The following COCH variants were observed in gnomAD, a reference collection of about 807,000 sequenced individuals.
COCH encodes the protein coagulation factor C homolog, cochlin (Limulus polyphemus).
Under a neutral mutation model 54.8 loss-of-function variants are expected in COCH, and 40 were observed. That is an observed-to-expected ratio of 0.73 (90% CI 0.57 to 0.95). The LOEUF (loss-of-function observed/expected upper bound fraction) is 0.95, where lower values mean the gene tolerates loss of function less well. COCH is among the 40% of genes least tolerant of loss of function. COCH has a pLI of 0.00. For missense variants in COCH, 605 were observed against 675.0 expected (o/e 0.90, Z 1.15); for synonymous variants, 256 against 237.9 (o/e 1.08, Z -0.70).
At chr14:30,884,928 ATC>A in intron 9 of COCH, 1 of 1,597,562 alleles carries the variant, frequency 6.3e-7, no homozygotes, top group Non-Finnish European at 8.5e-7. Flanking sequence ...TTGGAGAAGT[ATC>A]TCTTTGTAAT....
Position 30,889,874 on chromosome 14 carries a change from G to A in COCH, c.*83G>A, listed in dbSNP as rs1594391693. The A allele has an allele frequency of 1.3e-6, 2 of 1,517,344 alleles. No homozygotes were observed. The highest frequency in any genetic ancestry group is 2.3e-5 in the East Asian group (1 of 42,880). The allele number at this position is 1,517,344 out of a possible 1,614,324, so 94.0% of individuals were successfully genotyped here. A position where few individuals can be genotyped will look rare whatever the true frequency, so the allele number is the denominator to read the frequency against. On this transcript the variant is annotated 3_prime_UTR_variant, in exon 12 of 12. Coordinates refer to ENST00000396618, the MANE Select transcript of COCH (RefSeq NM_004086.3). ...ATTCTCATAATACTGAAATGCTTTAGCATACTAGAATCAGATACAAAACTA... is the reference window on the plus strand; with the variant it reads ...ATTCTCATAATACTGAAATGCTTTAACATACTAGAATCAGATACAAAACTA...
intron 5 of COCH, 94 bp downstream of exon 5, chr14:30,879,038 A>G (rs974436607): frequency 2.0e-6 from 3 of 1,526,988 alleles, no homozygotes; most frequent in African/African-American, 1.4e-5. Context: ...CTTGATGGAA[A>G]AACCTGTGAT....
chr14:30,891,481 T>C (rs1490710758), downstream of COCH, among the ~76,000 whole-genome samples: 2 of 152,222 alleles, frequency 1.3e-5, no homozygotes, highest in African/African-American at 4.8e-5. Flanking sequence ...CAAACTGGAA[T>C]TGACTTTTTC....
chr14:30,893,179 G>C (rs8022032), downstream of COCH, among the ~76,000 whole-genome samples: 1 of 136,848 alleles, frequency 7.3e-6, no homozygotes. Context: ...TTTTTGAGAC[G>C]GAGTCTCTGT....
chr14:30,877,791 A>AC lies in COCH; in HGVS notation c.239+66dup. On this transcript the variant is annotated intron_variant, in intron 4 of 11. Coordinates refer to ENST00000396618, the MANE Select transcript of COCH (RefSeq NM_004086.3). This position sits in a 1 kb window ranked among gnomAD's most constrained non-coding sequence, Gnocchi z 8.6. The stretch of plus-strand genomic sequence containing the variant: ...ACGTGATTATTTCCTTTCCTGCTTT[A>AC]CCCATCTGGATCCCTTTCCTCCCTG... 6.2e-7 allele frequency: 1 copy of AC among 1,607,832 alleles called. No homozygotes were observed. Among genetic ancestry groups the AC allele is most frequent in the Non-Finnish European group, 8.5e-7 (1 of 1,178,794 alleles).
chr14:30,883,364 T>C (rs1376526391), intron 8 of COCH, among the ~76,000 whole-genome samples: 1 of 152,246 alleles, frequency 6.6e-6, no homozygotes, highest in Non-Finnish European at 1.5e-5. Context: ...CATTACCTTG[T>C]AGACTCATAC....
Position 30,885,435 on chromosome 14 carries a change from G to T in COCH, c.775G>T (p.Asp259Tyr). The change falls in exon 10 of 12, where the codon GAT becomes TAT. Residue 259 changes from aspartate to tyrosine, a missense_variant. By Grantham distance (160) the Asp-to-Tyr change is radical. Transcript: ENST00000396618. Reference protein sequence around the residue: ...KHTAQKFFTVDAGVRKGIPKV... With the variant: ...KHTAQKFFTVYAGVRKGIPKV... Reference sequence around the variant, plus strand: ...TACTGCTCAGAAATTCTTCACGGTAGATGCTGGAGTAAGAAAAGGGATCCC... The same window carrying T: ...TACTGCTCAGAAATTCTTCACGGTATATGCTGGAGTAAGAAAAGGGATCCC... 2 of 1,614,166 alleles carry T rather than the reference G, an allele frequency of 1.2e-6. No individual in the cohort carries two copies. Among genetic ancestry groups the T allele is most frequent in the Non-Finnish European group, 1.7e-6 (2 of 1,180,002 alleles).
At chr14:30,878,086 C>G (rs558182524) in intron 4 of COCH, among the ~76,000 whole-genome samples, 20 of 152,304 alleles carry the variant, frequency 1.3e-4, no homozygotes, top group Admixed American at 1.2e-3. Context: ...GATGAAGAAA[C>G]TGAACTCAGA....
At chr14:30,894,041 A>G (rs959136131), downstream of COCH, 1 of 152,626 alleles carries the variant, frequency 6.6e-6, no homozygotes, top group African/African-American at 2.4e-5. Context: ...ACTGATCAGA[A>G]AAGTTTCTCG....
At chr14:30,875,010 C>T (rs570207281) in intron 2 of COCH, 38 bp downstream of exon 2, 1 of 1,612,996 alleles carries the variant, frequency 6.2e-7, no homozygotes, top group Non-Finnish European at 8.5e-7. Context: ...CCCCTTGCTC[C>T]GCTGGGTGGA....
intron 8 of COCH, 144 bp downstream of exon 8, chr14:30,880,878 A>G (rs1174667739): frequency 1.4e-6 from 1 of 701,886 alleles, no homozygotes; most frequent in Non-Finnish European, 2.5e-6. Context: ...TAGCATATCC[A>G]TCACCTCAAA....
chr14:30,875,458 C>A lies in COCH; in HGVS notation c.82+355C>A, dbSNP rs912239047. 1.1e-5 allele frequency: 6 copies of A among 559,594 alleles called. No homozygotes were observed. In the Admixed American group the frequency reaches 2.0e-4, roughly 18 times the overall value. The allele number at this position is 559,594 out of a possible 1,614,324, so 34.7% of individuals were successfully genotyped here. On this transcript the variant is annotated intron_variant, in intron 3 of 11. Coordinates refer to ENST00000396618, the MANE Select transcript of COCH (RefSeq NM_004086.3). ...CCTTGAGCCTCACCGAGGAGCGCAC[C>A]AGTCCTGGGCTCTGCTGCGTTTGGG...
chr14:30,881,978 A>T (rs1359312973), intron 8 of COCH, among the ~76,000 whole-genome samples: 2 of 149,750 alleles, frequency 1.3e-5, no homozygotes, highest in East Asian at 3.9e-4. Context: ...AATAAAAATA[A>T]AAATAAATAA....
chr14:30,894,883 TTTTC>T (rs766462002), downstream of COCH: 52 of 859,602 alleles, frequency 6.0e-5, no homozygotes, highest in Admixed American at 1.9e-4. Flanking sequence ...TTAAGTTAAA[TTTTC>T]TTTTTCTTTT....
In COCH at chr14:30,885,556, T is replaced by C. The variant is rs777855403; in HGVS notation, c.896T>C (p.Val299Ala). ...AREFGVNVFI[V>A]SVAKPIPEEL... is the part of the protein sequence containing the mutation. ...GAGTTTGGTGTCAATGTATTTATAG[T>C]TTCTGTGGCCAAGCCTATCCCTGAA... Residue 299 changes from valine to alanine, a missense_variant, in exon 10 of 12, where the codon GTT becomes GCT. Transcript: ENST00000396618. 1 of 1,613,484 alleles carries C rather than the reference T, an allele frequency of 6.2e-7. No homozygotes were observed. The highest frequency in any genetic ancestry group is 1.1e-5 in the South Asian group (1 of 91,074).
In COCH at chr14:30,874,975, G is replaced by T; in HGVS notation, c.34+3G>T. 1 of 1,613,308 alleles carries T rather than the reference G, an allele frequency of 6.2e-7. No homozygotes were observed. The highest frequency in any genetic ancestry group is 1.1e-5 in the South Asian group (1 of 91,080). The stretch of plus-strand genomic sequence containing the variant: ...CTGGATCCCGGCTCTCGGCCTCGGT[G>T]GGTGCGCGCCCCTCACGACCCCGGC... On this transcript the variant is annotated splice_donor_region_variant and intron_variant, in intron 2 of 11. Coordinates refer to ENST00000396618, the MANE Select transcript of COCH (RefSeq NM_004086.3).
chr14:30,877,664 TTC>T lies in COCH; in HGVS notation c.179_180del (p.Ser60CysfsTer34). ...CCCAGGGGGCTGCCCTCTTGAGGAA[TTC>T]TCTGTGTATGGGAACATAGTATATG... is the stretch of plus-strand genomic sequence containing the variant. ...LCPGGCPLEEFSVYGNIVYAS... is the reference protein window; with the variant it reads ...LCPGGCPLEEXSVYGNIVYAS... On this transcript the variant is annotated frameshift_variant, in exon 4 of 12. Transcript: ENST00000396618. LOFTEE classifies it high-confidence loss of function. The surrounding 1 kb of genome is among the most constrained non-coding windows in gnomAD (Gnocchi z 8.6). 6.2e-7 allele frequency: 1 copy of T among 1,614,238 alleles called. No homozygotes were observed. Among genetic ancestry groups the T allele is most frequent in the Non-Finnish European group, 8.5e-7 (1 of 1,180,044 alleles).
At chr14:30,879,392 G>GA (rs149688890) in intron 5 of COCH, 31 bp from the exon 6 acceptor site, 30 of 1,607,284 alleles carry the variant, frequency 1.9e-5, no homozygotes, top group Non-Finnish European at 2.4e-5. Flanking sequence ...GAAGGAAAAG[G>GA]AAAAAAATAA....
intron 9 of COCH, chr14:30,885,151 T>C: frequency 1.4e-6 from 2 of 1,403,416 alleles, no homozygotes; most frequent in Admixed American, 2.1e-5. Context: ...GTGAGGCTTC[T>C]AGGAGGTGGA....
Sources: gnomAD v4.1 joint callset for allele counts (sites outside exome capture counted in the v4.1 genomes callset) on GRCh38, gnomAD v4.1.1 for gene constraint, Gnocchi (gnomAD v3.1) non-coding constraint, MANE v1.5 for transcripts, NCBI Gene and HGNC (gene_info 2026-07-23, HGNC 2026-07-21) for gene names.